The following TIAM1 variants were observed in gnomAD, a reference collection of about 807,000 sequenced individuals.
The protein encoded by TIAM1 is rho guanine nucleotide exchange factor TIAM1.
Under a neutral mutation model 163.5 loss-of-function variants are expected in TIAM1, and 65 were observed. The ratio of observed to expected loss-of-function variants is 0.40; its 90% CI spans 0.33 to 0.49. The LOEUF is 0.49. TIAM1 is among the 20% of genes least tolerant of loss of function. The pLI, the probability that TIAM1 is intolerant of heterozygous loss-of-function variation, is 0.77. For synonymous variants in TIAM1, 833 were observed against 810.1 expected (o/e 1.03, Z -0.48); for missense variants, 1,789 against 2,044.7 (o/e 0.87, Z 2.41).
intron 1 of TIAM1, among the ~76,000 whole-genome samples, chr21:31,526,797 G>A (rs554131764): frequency 7.2e-5 from 11 of 152,092 alleles, no homozygotes; most frequent in Non-Finnish European, 1.6e-4. Context: ...CGCCTCCCAG[G>A]TTCGTGCGAT....
intron 1 of TIAM1, among the ~76,000 whole-genome samples, chr21:31,549,096 GATAA>G (rs2048596185): frequency 6.6e-6 from 1 of 152,174 alleles, no homozygotes; most frequent in Non-Finnish European, 1.5e-5. Context: ...AAGAAGCTCT[GATAA>G]ATAAAATAAC....
At chr21:31,322,680 C>T (rs967225114) in intron 2 of TIAM1, among the ~76,000 whole-genome samples, 2 of 152,208 alleles carry the variant, frequency 1.3e-5, no homozygotes, top group Non-Finnish European at 2.9e-5. Context: ...CTGTCACCTC[C>T]GCCACACTGT....
At chr21:31,394,696 T>G (rs1028454036) in intron 2 of TIAM1, among the ~76,000 whole-genome samples, 2 of 131,508 alleles carry the variant, frequency 1.5e-5, no homozygotes, top group African/African-American at 6.0e-5. Flanking sequence ...ATTCTCTCTC[T>G]CTCTCTCTCT....
intron 23 of TIAM1, among the ~76,000 whole-genome samples, chr21:31,133,981 T>G (rs749321227): frequency 3.9e-5 from 6 of 151,902 alleles, no homozygotes; most frequent in Non-Finnish European, 7.4e-5. Context: ...GACAGGACAA[T>G]CGCTTGAACC....
At chr21:31,273,941 G>A (rs912628299) in intron 3 of TIAM1, among the ~76,000 whole-genome samples, 2 of 152,146 alleles carry the variant, frequency 1.3e-5, no homozygotes, top group Admixed American at 6.5e-5. Flanking sequence ...AGTAAATGCT[G>A]GGCATGGTGG....
chr21:31,273,331 G>A lies in TIAM1; in HGVS notation c.-12+3401C>T, dbSNP rs2073147881. Among the ~76,000 whole-genome samples, 3 of 152,140 alleles carry A rather than the reference G, an allele frequency of 2.0e-5. No homozygotes were observed. The East Asian group carries it at 5.8e-4, about 30-fold the overall frequency. On this transcript the variant is annotated intron_variant, in intron 3 of 27. Coordinates refer to ENST00000541036, the MANE Select transcript of TIAM1 (RefSeq NM_001353694.2). ...TCTTAGAGAAAAGAGAACTGGAAAA[G>A]AACATCCCATAATGGTGTGTATAAA... is the stretch of plus-strand genomic sequence containing the variant.
rs541410006 is a variant in TIAM1, at chr21:31,162,136, G to T, written c.2991+2826C>A. On this transcript the variant is annotated intron_variant, in intron 16 of 27. Coordinates refer to ENST00000541036, the MANE Select transcript of TIAM1 (RefSeq NM_001353694.2). ...AAGACAAGACCTGGAGCCAAACCAG[G>T]TTTGCATCCTGGTTTTGTCATCACA... Among the ~76,000 whole-genome samples, 5 of 152,190 alleles carry T rather than the reference G, an allele frequency of 3.3e-5. No individual in the cohort carries two copies. In the East Asian group the frequency reaches 9.6e-4, roughly 29 times the overall value.
At chr21:31,507,178 AATTTTTTTTTTTTTT>A (rs1569396636) in intron 1 of TIAM1, among the ~76,000 whole-genome samples, 3 of 65,754 alleles carry the variant, frequency 4.6e-5, no homozygotes, top group Admixed American at 1.6e-4. Context: ...GCACCTTTTT[AATTTTTTTTTTTTTT>A]TTTTTTTTTT....
intron 2 of TIAM1, among the ~76,000 whole-genome samples, chr21:31,431,294 C>T (rs78088947): frequency 0.019 from 2,969 of 152,290 alleles, 50 homozygotes; most frequent in Non-Finnish European, 0.028. Context: ...CTGAATGTGT[C>T]CATCTCTCCA....
intron 6 of TIAM1, among the ~76,000 whole-genome samples, chr21:31,228,160 C>G (rs983672248): frequency 1.0e-4 from 14 of 138,916 alleles, no homozygotes; most frequent in Non-Finnish European, 1.8e-4. Context: ...ATCCGCCTGC[C>G]TCAGCCTCCC....
chr21:31,465,577 T>TC, intron 1 of TIAM1, among the ~76,000 whole-genome samples: 1 of 148,874 alleles, frequency 6.7e-6, no homozygotes, highest in East Asian at 2.0e-4. Flanking sequence ...GTGATCTTCT[T>TC]TTTTTTTTTT....
At chr21:31,384,007 G>A (rs555352905) in intron 2 of TIAM1, among the ~76,000 whole-genome samples, 4 of 152,106 alleles carry the variant, frequency 2.6e-5, no homozygotes, top group South Asian at 4.2e-4. Flanking sequence ...ATATGCAATC[G>A]AGCACCTCAG....
intron 12 of TIAM1, among the ~76,000 whole-genome samples, chr21:31,196,722 C>T (rs138750723): frequency 1.2e-3 from 184 of 152,242 alleles, no homozygotes; most frequent in Non-Finnish European, 1.4e-3. Flanking sequence ...TACCGCTTGA[C>T]GCAGCAATCC....
At chr21:31,414,868 C>T (rs2043319711) in intron 2 of TIAM1, among the ~76,000 whole-genome samples, 1 of 152,200 alleles carries the variant, frequency 6.6e-6, no homozygotes, top group Non-Finnish European at 1.5e-5. Context: ...CATGGGCGGA[C>T]ACACACCGCC....
chr21:31,208,647 C>G (rs2086571425), intron 11 of TIAM1, among the ~76,000 whole-genome samples: 1 of 152,094 alleles, frequency 6.6e-6, no homozygotes, highest in Non-Finnish European at 1.5e-5. Context: ...AGTTATGGCC[C>G]AAAACAAGTG....
At chr21:31,422,063 T>C (rs1203307002) in intron 2 of TIAM1, among the ~76,000 whole-genome samples, 1 of 152,116 alleles carries the variant, frequency 6.6e-6, no homozygotes, top group African/African-American at 2.4e-5. Context: ...AAAGGTAGCA[T>C]GCCTTGCCAA....
In TIAM1 at chr21:31,120,703, C is replaced by A; in HGVS notation, c.4441G>T (p.Asp1481Tyr). ...TCAAACTGCTCCTCTACCCATCGGT[C>A]AGTGTCCCCACCACCGGGGGGCTGC... ...SQQPPGGGDT[D>Y]RWVEEQFDLA... The change falls in exon 28 of 28, where the codon GAC becomes TAC. Residue 1481 changes from aspartate (D) to tyrosine (Y), a missense_variant. By Grantham distance (160) the Asp-to-Tyr change is radical. Around this residue, in one of 5 missense-constraint regions of TIAM1, gnomAD observed 415 missense variants for 439.2 expected, o/e 0.94. Coordinates refer to ENST00000541036, the MANE Select transcript of TIAM1 (RefSeq NM_001353694.2). This position sits in a 1 kb window ranked among gnomAD's most constrained non-coding sequence, Gnocchi z 4.2. The A allele has an allele frequency of 6.2e-7, 1 of 1,614,030 alleles. No homozygotes were observed. Among genetic ancestry groups the A allele is most frequent in the South Asian group, 1.1e-5 (1 of 91,066 alleles).
intron 27 of TIAM1, among the ~76,000 whole-genome samples, chr21:31,122,833 T>C (rs2082053288): frequency 6.6e-6 from 1 of 152,190 alleles, no homozygotes; most frequent in Non-Finnish European, 1.5e-5. Flanking sequence ...CATTATTGGG[T>C]TCTTCCCAGT....
chr21:31,234,406 A>T (rs1394476237), intron 6 of TIAM1, among the ~76,000 whole-genome samples: 1 of 151,314 alleles, frequency 6.6e-6, no homozygotes, highest in Non-Finnish European at 1.5e-5. Flanking sequence ...GATGAAGGGA[A>T]GGTGGGAGAG....
Sources: allele counts gnomAD v4.1 joint callset (sites outside exome capture counted in the v4.1 genomes callset), GRCh38; gene constraint gnomAD v4.1.1; regional missense constraint gnomAD v4.1.1; non-coding constraint Gnocchi (gnomAD v3.1); transcripts MANE v1.5; gene names NCBI Gene and HGNC (gene_info 2026-07-23, HGNC 2026-07-21).